CADM2: variants seen among roughly 807,000 people sequenced by gnomAD.
The protein encoded by CADM2 is immunoglobulin superfamily member 4D.
In CADM2, 12 loss-of-function variants were observed where a neutral mutation model predicts 49.8. The ratio of observed to expected loss-of-function variants is 0.24; its 90% CI spans 0.15 to 0.39. The LOEUF (loss-of-function observed/expected upper bound fraction) is 0.39, where lower values mean the gene tolerates loss of function less well. CADM2 is among the 10% of genes least tolerant of loss of function. The probability of loss-of-function intolerance (pLI) is 1.00; values close to 1 mark genes in which losing one functional copy is unlikely to be tolerated. For synonymous variants in CADM2, 214 were observed against 175.4 expected, an observed-to-expected ratio of 1.22 and a Z score of -1.74; for missense variants, 378 against 492.3, an observed-to-expected ratio of 0.77 and a Z score of 2.20.
intron 1 of CADM2, among the ~76,000 whole-genome samples, chr3:85,017,394 T>A (rs1263599518): frequency 6.6e-6 from 1 of 152,178 alleles, no homozygotes; most frequent in Non-Finnish European, 1.5e-5. Context: ...TATTCCCAGC[T>A]CGAGGTACCT....
chr3:86,057,493 T>A (rs1331587256), intron 8 of CADM2, among the ~76,000 whole-genome samples: 1 of 152,190 alleles, frequency 6.6e-6, no homozygotes, highest in Non-Finnish European at 1.5e-5. Flanking sequence ...AAAAACAATC[T>A]GTTTGGAATT....
intron 1 of CADM2, among the ~76,000 whole-genome samples, chr3:85,462,289 T>G (rs1380041291): frequency 6.6e-6 from 1 of 152,186 alleles, no homozygotes; most frequent in Admixed American, 6.5e-5. Context: ...TTAACTCTAA[T>G]GACTTTATCC....
chr3:85,778,817 C>T (rs2070487263), intron 2 of CADM2, among the ~76,000 whole-genome samples: 1 of 152,146 alleles, frequency 6.6e-6, no homozygotes, highest in Non-Finnish European at 1.5e-5. Flanking sequence ...CCTAACACTG[C>T]TTTAGTTTCC....
At chr3:85,552,837 C>A (rs1200624481) in intron 1 of CADM2, among the ~76,000 whole-genome samples, 2 of 151,854 alleles carry the variant, frequency 1.3e-5, no homozygotes, top group Non-Finnish European at 1.5e-5. Flanking sequence ...CCACCACGCC[C>A]AGCAAATTTT....
intron 1 of CADM2, among the ~76,000 whole-genome samples, chr3:85,164,387 G>A (rs1318597164): frequency 6.6e-6 from 1 of 152,052 alleles, no homozygotes; most frequent in Non-Finnish European, 1.5e-5. Flanking sequence ...AGGCCTTAAA[G>A]AGAATTGTGA....
At chr3:85,751,738 A>G (rs1464342181) in intron 2 of CADM2, among the ~76,000 whole-genome samples, 2 of 152,060 alleles carry the variant, frequency 1.3e-5, no homozygotes, top group African/African-American at 4.8e-5. Flanking sequence ...TCTTTTAAAA[A>G]CTCGACAACC....
chr3:85,199,370 T>TGTGTGTGTGTGAGAGAGAGAGAGAGA (rs1553694531), intron 1 of CADM2, among the ~76,000 whole-genome samples: 2 of 140,106 alleles, frequency 1.4e-5, no homozygotes, highest in African/African-American at 2.8e-5. Context: ...TGTGTGTGTA[T>TGTGTGTGTGTGAGAGAGAGAGAGAGA]GAGAGAGAGA....
chr3:85,706,923 A>C (rs1460603985), intron 1 of CADM2, among the ~76,000 whole-genome samples: 1 of 152,132 alleles, frequency 6.6e-6, no homozygotes. Context: ...ATAATTATGC[A>C]TATGTATCTG....
At chr3:86,000,276 C>T (rs1730011886) in intron 8 of CADM2, among the ~76,000 whole-genome samples, 2 of 151,856 alleles carry the variant, frequency 1.3e-5, no homozygotes, top group Admixed American at 6.6e-5. Flanking sequence ...ATGGAGGGTA[C>T]CTTTAAAAAA....
intron 1 of CADM2, among the ~76,000 whole-genome samples, chr3:85,103,981 A>T (rs544612119): frequency 6.6e-6 from 1 of 152,186 alleles, no homozygotes; most frequent in Non-Finnish European, 1.5e-5. Context: ...TGATTTAGAA[A>T]AAGTGAGATG....
chr3:85,488,923 G>A (rs2039546043), intron 1 of CADM2, among the ~76,000 whole-genome samples: 1 of 152,040 alleles, frequency 6.6e-6, no homozygotes, highest in Non-Finnish European at 1.5e-5. Flanking sequence ...AAAGAAAAAG[G>A]CAATGGACCT....
chr3:85,946,050 C>A (rs1487976287), intron 7 of CADM2, among the ~76,000 whole-genome samples: 3 of 152,110 alleles, frequency 2.0e-5, no homozygotes, highest in African/African-American at 7.2e-5. Flanking sequence ...AGCCCAAAAT[C>A]TCTTTAAGCT....
At chr3:85,519,266 A>G (rs1576704752) in intron 1 of CADM2, among the ~76,000 whole-genome samples, 1 of 152,226 alleles carries the variant, frequency 6.6e-6, no homozygotes. Context: ...AGTAATATAT[A>G]TTTGATAATC....
chr3:85,352,644 C>T (rs1228930335), intron 1 of CADM2, among the ~76,000 whole-genome samples: 1 of 152,038 alleles, frequency 6.6e-6, no homozygotes, highest in Admixed American at 6.6e-5. Flanking sequence ...TATACACTTA[C>T]AGTGGTATAA....
chr3:85,590,211 A>T (rs1419126760), intron 1 of CADM2, among the ~76,000 whole-genome samples: 2 of 152,004 alleles, frequency 1.3e-5, no homozygotes, highest in African/African-American at 4.8e-5. Context: ...AAAATCATCT[A>T]GGGAAATATA....
intron 1 of CADM2, among the ~76,000 whole-genome samples, chr3:85,040,254 G>C (rs535081873): frequency 7.9e-5 from 12 of 152,232 alleles, no homozygotes; most frequent in Admixed American, 4.6e-4. Context: ...TAAAGACCTT[G>C]GGTCAATGCA....
At chr3:85,902,701 T>A (rs1021729599) in intron 5 of CADM2, among the ~76,000 whole-genome samples, 2 of 151,506 alleles carry the variant, frequency 1.3e-5, no homozygotes, top group Non-Finnish European at 3.0e-5. Flanking sequence ...CCTGTAAAAA[T>A]TTTTCACTTT....
intron 1 of CADM2, among the ~76,000 whole-genome samples, chr3:85,148,395 C>T (rs981037056): frequency 5.9e-5 from 9 of 152,154 alleles, no homozygotes; most frequent in African/African-American, 1.9e-4. Context: ...AAAATCTTTC[C>T]AGTTACCTTA....
chr3:85,401,858 A>T (rs2035127536), intron 1 of CADM2, among the ~76,000 whole-genome samples: 1 of 152,100 alleles, frequency 6.6e-6, no homozygotes, highest in African/African-American at 2.4e-5. Context: ...CACACCTGCC[A>T]AACACAGAAC....
Sources: allele counts gnomAD v4.1 joint callset (sites outside exome capture counted in the v4.1 genomes callset), GRCh38; gene constraint gnomAD v4.1.1; transcripts MANE v1.5; gene names NCBI Gene and HGNC (gene_info 2026-07-23, HGNC 2026-07-21).